Variants in CCNH observed in about 807,000 individuals in gnomAD.
CCNH encodes cyclin-H.
In CCNH, 31 loss-of-function variants were observed where a neutral mutation model predicts 41.9. That is an observed-to-expected ratio of 0.74 (90% confidence interval 0.56 to 1.00). The LOEUF is 1.00. CCNH is among the 50% of genes least tolerant of loss of function. The pLI, the probability that CCNH is intolerant of heterozygous loss-of-function variation, is 0.00. For missense variants in CCNH, 362 were observed against 388.4 expected (o/e 0.93, Z 0.57); for synonymous variants, 138 against 136.1 (o/e 1.01, Z -0.10).
downstream of CCNH, among the ~76,000 whole-genome samples, chr5:87,390,058 GA>G (rs2112527510): frequency 1.3e-5 from 2 of 152,300 alleles, no homozygotes; most frequent in East Asian, 1.9e-4. Flanking sequence ...TACACTTTGA[GA>G]AACAGTAGAC....
At chr5:87,328,579 T>C (rs926339759) in intron 9 of CCNH, among the ~76,000 whole-genome samples, 2 of 152,114 alleles carry the variant, frequency 1.3e-5, no homozygotes, top group Non-Finnish European at 1.5e-5. Context: ...TTATTGAGAG[T>C]ATGTTTTGTA....
Position 87,396,711 on chromosome 5 carries a change from A to G in CCNH, c.873-1607T>C, listed in dbSNP as rs565677497. 2.0e-4 allele frequency among the ~76,000 whole-genome samples: 31 copies of G among 152,318 alleles called. No individual in the cohort carries two copies. In the South Asian group the frequency reaches 6.0e-3, roughly 30 times the overall value. On this transcript the variant is annotated intron_variant, in intron 7 of 8. Coordinates refer to ENST00000256897, the MANE Select transcript of CCNH (RefSeq NM_001239.4). ...AAATATAAGTGACTGTTAAGTATGG[A>G]AAGTTCAATGTCCCATAATCAAGAA... is the stretch of plus-strand genomic sequence containing the variant.
intron 2 of CCNH, 66 bp from the exon 3 acceptor site, chr5:87,409,429 AC>A: frequency 1.1e-6 from 1 of 914,354 alleles, no homozygotes; most frequent in Non-Finnish European, 1.7e-6. Flanking sequence ...ATTTTGTGAA[AC>A]AGAACTTATT....
chr5:87,351,697 C>T (rs1390204873), intron 9 of CCNH, among the ~76,000 whole-genome samples: 1 of 151,558 alleles, frequency 6.6e-6, no homozygotes, highest in Non-Finnish European at 1.5e-5. Context: ...CTGTTTATTT[C>T]GGTGTTTCTG....
At chr5:87,389,163 T>C, downstream of CCNH, 1 of 428,480 alleles carries the variant, frequency 2.3e-6, no homozygotes, top group Non-Finnish European at 4.3e-6. Context: ...AGAGAAAGAT[T>C]TGTATTTGTA....
chr5:87,333,467 T>C (rs1405817870), intron 9 of CCNH: 4 of 1,379,648 alleles, frequency 2.9e-6, no homozygotes, highest in East Asian at 5.0e-5. Context: ...GCTTTTGATA[T>C]TGGGTCTGTT....
chr5:87,362,303 A>C (rs1171303423), intron 9 of CCNH, among the ~76,000 whole-genome samples: 1 of 152,208 alleles, frequency 6.6e-6, no homozygotes, highest in East Asian at 1.9e-4. Context: ...CCATGGAAAC[A>C]GACAACTTAT....
chr5:87,389,570 T>C, downstream of CCNH: 1 of 1,606,260 alleles, frequency 6.2e-7, no homozygotes. Context: ...GTTTCAAAGA[T>C]AACACTTAGA....
chr5:87,356,997 T>G (rs931666006), intron 9 of CCNH, among the ~76,000 whole-genome samples: 1 of 152,198 alleles, frequency 6.6e-6, no homozygotes, highest in African/African-American at 2.4e-5. Flanking sequence ...AAATATTGAT[T>G]GAATGAATGA....
downstream of CCNH, chr5:87,389,446 T>C: frequency 6.2e-7 from 1 of 1,614,172 alleles, no homozygotes; most frequent in East Asian, 2.2e-5. Flanking sequence ...ACCTGTCCCG[T>C]GATTTAGCAG....
intron 9 of CCNH, chr5:87,363,560 C>T: frequency 1.9e-6 from 3 of 1,540,070 alleles, no homozygotes; most frequent in South Asian, 1.1e-5. Flanking sequence ...TAAAATAGTA[C>T]AAACAAAGCA....
the CCNH span, among the ~76,000 whole-genome samples, chr5:87,313,387 A>G: frequency 6.6e-6 from 1 of 152,170 alleles, no homozygotes; most frequent in Admixed American, 6.5e-5. Flanking sequence ...CTTTACCAAG[A>G]AAAAGAGGAA....
intron 9 of CCNH, among the ~76,000 whole-genome samples, chr5:87,357,095 CCAT>C (rs1324528671): frequency 6.6e-6 from 1 of 152,158 alleles, no homozygotes; most frequent in Non-Finnish European, 1.5e-5. Context: ...CTTCCTATCA[CCAT>C]GTCAGTCTTC....
chr5:87,327,087 C>A (rs2112353821), intron 9 of CCNH, among the ~76,000 whole-genome samples: 1 of 152,228 alleles, frequency 6.6e-6, no homozygotes, highest in East Asian at 1.9e-4. Context: ...ATTAATTAAG[C>A]TAATATTTAC....
rs1488545780 is a variant in CCNH, at chr5:87,404,935, A to G, written c.598T>C (p.Leu200=). Residue 200 remains leucine (L), a synonymous_variant, in exon 5 of 9, where the codon TTG becomes CTG. Transcript: ENST00000256897. ...TADDFLNRIA[L]TDAYLLYTPS... ...GTGTATAAAAGGTAAGCATCCGTCA[A>G]TGCAATTCTATTAAGAAAGTCATCA... 1 of 1,613,240 alleles carries G rather than the reference A, an allele frequency of 6.2e-7. No individual in the cohort carries two copies. The highest frequency in any genetic ancestry group is 8.5e-7 in the Non-Finnish European group (1 of 1,179,276).
At chr5:87,338,444 G>T (rs1758140239) in intron 9 of CCNH, among the ~76,000 whole-genome samples, 1 of 145,632 alleles carries the variant, frequency 6.9e-6, no homozygotes, top group Non-Finnish European at 1.5e-5. Context: ...CATTTCTCGT[G>T]CCTCAGCCAC....
chr5:87,317,110 C>T (rs563466455), downstream of CCNH, among the ~76,000 whole-genome samples: 3 of 151,982 alleles, frequency 2.0e-5, no homozygotes, highest in East Asian at 1.9e-4. Context: ...CTTAAGTTCC[C>T]GGCCTCATGT....
intron 9 of CCNH, among the ~76,000 whole-genome samples, chr5:87,328,753 A>T (rs1757408463): frequency 6.6e-6 from 1 of 152,174 alleles, no homozygotes; most frequent in Non-Finnish European, 1.5e-5. Flanking sequence ...TTATATTTAT[A>T]TAAAAGATTG....
chr5:87,405,070 T>A, intron 4 of CCNH, 63 bp from the exon 5 acceptor site: 4 of 1,171,410 alleles, frequency 3.4e-6, no homozygotes, highest in Non-Finnish European at 4.9e-6. Context: ...AACAACAGTT[T>A]AAAAATTACA....
Sources: allele counts gnomAD v4.1 joint callset (sites outside exome capture counted in the v4.1 genomes callset), GRCh38; gene constraint gnomAD v4.1.1; transcripts MANE v1.5; gene names NCBI Gene and HGNC (gene_info 2026-07-23, HGNC 2026-07-21).